The following RAB40B variants were observed in gnomAD, a reference collection of about 807,000 sequenced individuals.
The protein encoded by RAB40B is ras-related protein Rab-40B.
Under a neutral mutation model 24.0 loss-of-function variants are expected in RAB40B, and 21 were observed. The ratio of observed to expected loss-of-function variants is 0.88; its 90% CI spans 0.62 to 1.26. The LOEUF is 1.26. Ranked by LOEUF, RAB40B falls within the 50% of genes most tolerant of loss-of-function variation. RAB40B has a pLI of 0.00. For missense variants in RAB40B, 348 were observed against 390.5 expected (o/e 0.89, Z 0.92); for synonymous variants, 167 against 169.8 (o/e 0.98, Z 0.13).
At chr17:82,684,789 G>A (rs984046702) in intron 1 of RAB40B, among the ~76,000 whole-genome samples, 2 of 152,160 alleles carry the variant, frequency 1.3e-5, no homozygotes, top group African/African-American at 4.8e-5. Flanking sequence ...CACCTTGACC[G>A]TGATGGCGGT....
At chr17:82,659,207 G>A (rs983166402) in intron 4 of RAB40B, 1 of 302,496 alleles carries the variant, frequency 3.3e-6, no homozygotes, top group South Asian at 4.1e-5. Context: ...TGTCGACCAC[G>A]CCATGTCACC....
chr17:82,681,020 C>CAAAAAAAAGAAAAAAAAAAAAAAAAAAAA (rs2046443650), intron 1 of RAB40B, among the ~76,000 whole-genome samples: 1 of 93,956 alleles, frequency 1.1e-5, no homozygotes, highest in Non-Finnish European at 2.0e-5. Context: ...GACTCCATCT[C>CAAAAAAAAGAAAAAAAAAAAAAAAAAAAA]AAAAAAAAAA....
rs2046081441 is a variant in RAB40B at position 82,655,630 on chromosome 17, T to C, written c.*2233A>G. ...TCTGTGCATCTCAGTGTCCTTGTGT[T>C]TGCAGCTGGGAGGTCGGCCCTGTCG... On this transcript the variant is annotated 3_prime_UTR_variant, in exon 6 of 6. Transcript: ENST00000571995. 1.3e-5 allele frequency: 2 copies of C among 152,258 alleles called. No homozygotes were observed. Among genetic ancestry groups the C allele is most frequent in the Non-Finnish European group, 2.9e-5 (2 of 68,062 alleles). The allele number at this position is 152,258 out of a possible 1,614,324, so 9.4% of individuals were successfully genotyped here.
Position 82,663,758 on chromosome 17 carries a change from C to G in RAB40B, c.203+738G>C, listed in dbSNP as rs2046206636. 6.6e-6 allele frequency among the ~76,000 whole-genome samples: 1 copy of G among 152,160 alleles called. No individual in the cohort carries two copies. The highest frequency in any genetic ancestry group is 1.5e-5 in the Non-Finnish European group (1 of 68,018). On this transcript the variant is annotated intron_variant, in intron 2 of 5. Coordinates refer to ENST00000571995, the MANE Select transcript of RAB40B (RefSeq NM_006822.3). This position sits in a 1 kb window ranked among gnomAD's most constrained non-coding sequence, Gnocchi z 6.2. ...AGCCAGGCGTGGGGGACCCAGGAGC[C>G]CCGGGCTGCCTCAACCACGCTGCAT...
intron 1 of RAB40B, among the ~76,000 whole-genome samples, chr17:82,698,090 G>A (rs2046630271): frequency 6.6e-6 from 1 of 151,872 alleles, no homozygotes; most frequent in South Asian, 2.1e-4. Flanking sequence ...CCCCACAGCA[G>A]CGGCCCCAGG....
Position 82,660,986 on chromosome 17 carries a change from C to A in RAB40B, c.264+1G>T, listed in dbSNP as rs745976995. On this transcript the variant is annotated splice_donor_variant, in intron 3 of 5. Coordinates refer to ENST00000571995, the MANE Select transcript of RAB40B (RefSeq NM_006822.3). LOFTEE classifies it high-confidence loss of function. The stretch of plus-strand genomic sequence containing the variant: ...TCCCAGCTCGGGGGATGCTGTGTTA[C>A]CTGTGCGCCCCGGGAGTAGGAGCGG... The A allele has an allele frequency of 6.2e-7, 1 of 1,613,956 alleles. No individual in the cohort carries two copies.
intron 1 of RAB40B, among the ~76,000 whole-genome samples, chr17:82,688,050 C>T (rs2451203): frequency 0.63 from 96,188 of 151,856 alleles, 32,140 homozygotes; most frequent in East Asian, 0.81. Flanking sequence ...CCAGCCTGGG[C>T]AATAAGCCAG....
rs1042539085 is a variant in RAB40B at position 82,658,422 on chromosome 17, C to T, written c.565+69G>A. The T allele has an allele frequency of 1.0e-5, 16 of 1,541,730 alleles. No homozygotes were observed. The Admixed American group carries it at 1.4e-4, about 13-fold the overall frequency. Reference sequence around the variant, plus strand: ...GGGTCCCGGGAGGCAGACACTTATCCAGGGGGCCGCTGACCCACCTCGGCA... The same window carrying T: ...GGGTCCCGGGAGGCAGACACTTATCTAGGGGGCCGCTGACCCACCTCGGCA... On this transcript the variant is annotated intron_variant, in intron 5 of 5. Transcript: ENST00000571995.
In RAB40B at chr17:82,656,375, T is replaced by G. The variant is rs1335606853; in HGVS notation, c.*1488A>C. 2.0e-5 allele frequency: 3 copies of G among 152,272 alleles called. No homozygotes were observed. The East Asian group carries it at 5.8e-4, about 29-fold the overall frequency. 9.4% of individuals were successfully genotyped at this position (152,272 alleles called of 1,614,324 possible). A position where few individuals can be genotyped will look rare whatever the true frequency, so the allele number is the denominator to read the frequency against. On this transcript the variant is annotated 3_prime_UTR_variant, in exon 6 of 6. Transcript: ENST00000571995. The stretch of plus-strand genomic sequence containing the variant: ...CCAGCCACAGAGAAACGTTCAACAG[T>G]GTGACCAGGGAAGAGAGCGGCCCTG...
At chr17:82,679,153 G>A (rs532287689) in intron 1 of RAB40B, among the ~76,000 whole-genome samples, 1 of 151,660 alleles carries the variant, frequency 6.6e-6, no homozygotes, top group South Asian at 2.1e-4. Flanking sequence ...AAAGTGCTGG[G>A]ATGACAGGCG....
chr17:82,659,109 CG>C, intron 4 of RAB40B: 1 of 250,336 alleles, frequency 4.0e-6, no homozygotes, highest in Admixed American at 5.0e-5. Context: ...CCTCCAGAAC[CG>C]TGAGAGAATG....
intron 2 of RAB40B, chr17:82,662,107 A>T (rs1290241387): frequency 1.0e-6 from 1 of 985,172 alleles, no homozygotes; most frequent in Non-Finnish European, 1.2e-6. Flanking sequence ...GGGACGCGGC[A>T]TGGTTTTGCT....
chr17:82,669,494 A>C (rs2046305512), intron 1 of RAB40B, among the ~76,000 whole-genome samples: 1 of 151,984 alleles, frequency 6.6e-6, no homozygotes, highest in African/African-American at 2.4e-5. Flanking sequence ...AAAAATAAAA[A>C]ATAAAAAAAT....
intron 1 of RAB40B, among the ~76,000 whole-genome samples, chr17:82,681,728 C>G (rs2046450814): frequency 6.6e-6 from 1 of 152,086 alleles, no homozygotes; most frequent in Non-Finnish European, 1.5e-5. Context: ...TTGGTTCGAC[C>G]TTTGAAAATC....
At chr17:82,670,628 G>A (rs1235120175) in intron 1 of RAB40B, among the ~76,000 whole-genome samples, 5 of 150,754 alleles carry the variant, frequency 3.3e-5, no homozygotes, top group South Asian at 2.1e-4. Context: ...TCCGCCTCCC[G>A]GGTTCAAGGG....
intron 1 of RAB40B, among the ~76,000 whole-genome samples, chr17:82,672,357 C>G (rs1282015189): frequency 6.6e-6 from 1 of 151,466 alleles, no homozygotes; most frequent in Non-Finnish European, 1.5e-5. Flanking sequence ...CACACGCTCC[C>G]TGTACCCACT....
rs769047078 is a variant in RAB40B, at chr17:82,657,698, G to C, written c.*165C>G. The stretch of plus-strand genomic sequence containing the variant: ...TTCATGCACATCCACGTAGAAATTC[G>C]AAGTCCGACGGGGTAGTGTGTTTCC... On this transcript the variant is annotated 3_prime_UTR_variant, in exon 6 of 6. Coordinates refer to ENST00000571995, the MANE Select transcript of RAB40B (RefSeq NM_006822.3). 1.1e-6 allele frequency: 1 copy of C among 873,758 alleles called. No homozygotes were observed. The highest frequency in any genetic ancestry group is 1.9e-6 in the Non-Finnish European group (1 of 519,338). The allele number at this position is 873,758 out of a possible 1,614,324, so 54.1% of individuals were successfully genotyped here. A position where few individuals can be genotyped will look rare whatever the true frequency, so the allele number is the denominator to read the frequency against.
intron 1 of RAB40B, among the ~76,000 whole-genome samples, chr17:82,693,279 T>C (rs889128537): frequency 6.6e-6 from 1 of 152,128 alleles, no homozygotes; most frequent in African/African-American, 2.4e-5. Flanking sequence ...AGTGCTGGGA[T>C]TGCAGACGTG....
chr17:82,668,061 C>T (rs755761143), intron 1 of RAB40B, among the ~76,000 whole-genome samples: 5 of 152,192 alleles, frequency 3.3e-5, no homozygotes, highest in African/African-American at 4.8e-5. Context: ...GTGAGCGAGA[C>T]GAGGAGGAGC....
Sources: gnomAD v4.1 joint callset for allele counts (sites outside exome capture counted in the v4.1 genomes callset) on GRCh38, gnomAD v4.1.1 for gene constraint, Gnocchi (gnomAD v3.1) non-coding constraint, MANE v1.5 for transcripts, NCBI Gene and HGNC (gene_info 2026-07-23, HGNC 2026-07-21) for gene names.